The following INO80 variants were observed in gnomAD, a reference collection of about 807,000 sequenced individuals.
INO80 encodes the protein INO80 complex ATPase subunit.
In INO80, 20 loss-of-function variants were observed where a neutral mutation model predicts 203.4. The ratio of observed to expected loss-of-function variants is 0.10; its 90% confidence interval spans 0.07 to 0.14. The LOEUF is 0.14. INO80 is among the 10% of genes least tolerant of loss of function. The probability of loss-of-function intolerance (pLI) is 1.00; values close to 1 mark genes in which losing one functional copy is unlikely to be tolerated. For synonymous variants in INO80, 726 were observed against 685.2 expected, an observed-to-expected ratio of 1.06 and a Z score of -0.93; for missense variants, 1,419 against 1,914.4, an observed-to-expected ratio of 0.74 and a Z score of 4.83.
chr15:41,025,959 A>C, intron 25 of INO80, among the ~76,000 whole-genome samples: 1 of 152,206 alleles, frequency 6.6e-6, no homozygotes, highest in Non-Finnish European at 1.5e-5. Context: ...CACTAACTTA[A>C]GCTTCTGAGA....
chr15:41,114,059 G>C (rs972632780), intron 1 of INO80, among the ~76,000 whole-genome samples: 1 of 151,910 alleles, frequency 6.6e-6, no homozygotes, highest in Non-Finnish European at 1.5e-5. Flanking sequence ...ACGAGGTCAG[G>C]GGCTCGAGAC....
chr15:41,016,043 A>C (rs2044203180), intron 27 of INO80, 45 bp downstream of exon 27: 1 of 1,538,016 alleles, frequency 6.5e-7, no homozygotes, highest in Non-Finnish European at 8.9e-7. Context: ...ATTCCTACAA[A>C]TTAAATGTCA....
At chr15:40,995,426 G>A (rs879812960) in intron 29 of INO80, among the ~76,000 whole-genome samples, 1 of 151,948 alleles carries the variant, frequency 6.6e-6, no homozygotes, top group Non-Finnish European at 1.5e-5. Flanking sequence ...CATTATTTCT[G>A]GAATATAAAA....
intron 29 of INO80, among the ~76,000 whole-genome samples, chr15:40,991,998 G>C (rs968284577): frequency 6.6e-6 from 1 of 152,082 alleles, no homozygotes; most frequent in Non-Finnish European, 1.5e-5. Flanking sequence ...GGATGGTCTC[G>C]ATCTCCTGAC....
chr15:41,114,065 G>C (rs867411107), intron 1 of INO80, among the ~76,000 whole-genome samples: 23 of 152,054 alleles, frequency 1.5e-4, no homozygotes, highest in South Asian at 6.2e-4. Context: ...TCAGGGGCTC[G>C]AGACCAGCCT....
chr15:41,027,893 A>G (rs2044400551), intron 24 of INO80, 157 bp from the exon 25 acceptor site: 2 of 502,922 alleles, frequency 4.0e-6, no homozygotes, highest in Non-Finnish European at 3.5e-6. Flanking sequence ...AACCAAGTAT[A>G]TAATACAGTT....
chr15:41,032,916 T>C (rs949948491), intron 24 of INO80, among the ~76,000 whole-genome samples: 1 of 152,056 alleles, frequency 6.6e-6, no homozygotes, highest in Non-Finnish European at 1.5e-5. Flanking sequence ...CATGCGCCTA[T>C]AGTCCCAGCT....
chr15:41,078,329 A>G lies in INO80; in HGVS notation c.1131+1372T>C, dbSNP rs1315486158. On this transcript the variant is annotated intron_variant, in intron 9 of 35. Coordinates refer to ENST00000648947, the MANE Select transcript of INO80 (RefSeq NM_017553.3). ...AAAGAAAAATGCATAAGTCAGCATA[A>G]CCATCAGTTAGCTATCAACATAACT... is the stretch of plus-strand genomic sequence containing the variant. Among the ~76,000 whole-genome samples the G allele has an allele frequency of 2.0e-5, 3 of 152,208 alleles. No homozygotes were observed. In the East Asian group the frequency reaches 5.8e-4, roughly 29 times the overall value.
intron 24 of INO80, among the ~76,000 whole-genome samples, chr15:41,030,013 G>C (rs903567455): frequency 6.6e-6 from 1 of 152,176 alleles, no homozygotes; most frequent in East Asian, 1.9e-4. Context: ...AGCAGCAGTA[G>C]CTGACCTGAA....
At chr15:41,096,044 T>G in intron 2 of INO80, 116 bp from the exon 3 acceptor site, 1 of 1,419,248 alleles carries the variant, frequency 7.0e-7, no homozygotes, top group Non-Finnish European at 9.5e-7. Flanking sequence ...GACTTTTTTA[T>G]TTGAAAGAGG....
chr15:41,097,957 A>C (rs778910605), intron 1 of INO80, among the ~76,000 whole-genome samples: 195 of 152,104 alleles, frequency 1.3e-3, no homozygotes, highest in Non-Finnish European at 2.3e-3. Flanking sequence ...CCATCTCAAA[A>C]AACAACAACA....
intron 27 of INO80, among the ~76,000 whole-genome samples, chr15:41,012,073 G>C (rs1349925220): frequency 6.6e-6 from 1 of 152,138 alleles, no homozygotes; most frequent in South Asian, 2.1e-4. Context: ...AGATGCAATA[G>C]GAATGAAACT....
chr15:41,082,466 C>T (rs1461479866), intron 7 of INO80, among the ~76,000 whole-genome samples: 2 of 151,764 alleles, frequency 1.3e-5, no homozygotes, highest in Non-Finnish European at 1.5e-5. Flanking sequence ...TTTGGGAGGC[C>T]GAGGTGGTTG....
At chr15:40,994,510 CCCA>C (rs1009687130) in intron 29 of INO80, among the ~76,000 whole-genome samples, 1 of 148,536 alleles carries the variant, frequency 6.7e-6, no homozygotes, top group African/African-American at 2.5e-5. Flanking sequence ...ACTACAGGCG[CCCA>C]CCACCAAGCT....
rs369632860 is a variant in INO80 at position 41,049,370 on chromosome 15, A to G, written c.2493T>C (p.Phe831=). ...LFERQETWSP[F]HISLKPYHIS... ...TGTGGTATGGCTTTAGGGAAATATG[A>G]AATGGAGACCAAGTTTCTTGCCGTT... The change falls in exon 21 of 36, where the codon TTT becomes TTC. Residue 831 remains phenylalanine, a synonymous_variant. Transcript: ENST00000648947. 2 of 1,613,880 alleles carry G rather than the reference A, an allele frequency of 1.2e-6. No individual in the cohort carries two copies. The highest frequency in any genetic ancestry group is 1.7e-6 in the Non-Finnish European group (2 of 1,179,734).
intron 29 of INO80, among the ~76,000 whole-genome samples, chr15:40,990,809 C>T (rs1034171741): frequency 6.6e-6 from 1 of 152,130 alleles, no homozygotes; most frequent in African/African-American, 2.4e-5. Flanking sequence ...AAGTGAAGAC[C>T]TTCAGTTGGA....
chr15:40,986,987 T>A, intron 31 of INO80, 104 bp downstream of exon 31: 1 of 611,720 alleles, frequency 1.6e-6, no homozygotes, highest in Non-Finnish European at 2.9e-6. Flanking sequence ...AAAAATACTT[T>A]CCCTAAATAC....
chr15:41,045,472 C>T (rs1254886531), intron 23 of INO80, among the ~76,000 whole-genome samples: 1 of 151,418 alleles, frequency 6.6e-6, no homozygotes, highest in African/African-American at 2.4e-5. Context: ...ATACCAGCTA[C>T]TTGGGAGGCT....
In INO80 at chr15:41,092,031, T is replaced by C; in HGVS notation, c.533A>G (p.Lys178Arg). Reference sequence around the variant, plus strand: ...TGTTTCTCCTGAAACTCTTACCTCCTTGTCTTTACTATACTTATTTTGGTG... The same window carrying C: ...TGTTTCTCCTGAAACTCTTACCTCCCTGTCTTTACTATACTTATTTTGGTG... ...KLHQNKYSKD[K>R]ELQQYQYYSA... The change falls in exon 5 of 36, where the codon AAG becomes AGG. Residue 178 changes from lysine (K) to arginine (R), a missense_variant. Physicochemically the swap from Lys to Arg is conservative, Grantham distance 26. Around this residue, in one of 9 missense-constraint regions of INO80, gnomAD observed 323 missense variants for 325.4 expected, o/e 0.99. Coordinates refer to ENST00000648947, the MANE Select transcript of INO80 (RefSeq NM_017553.3). 6.2e-7 allele frequency: 1 copy of C among 1,601,620 alleles called. No homozygotes were observed. The highest frequency in any genetic ancestry group is 8.5e-7 in the Non-Finnish European group (1 of 1,169,732).
Sources: allele counts gnomAD v4.1 joint callset (sites outside exome capture counted in the v4.1 genomes callset), GRCh38; gene constraint gnomAD v4.1.1; regional missense constraint gnomAD v4.1.1; transcripts MANE v1.5; gene names NCBI Gene and HGNC (gene_info 2026-07-23, HGNC 2026-07-21).